The following TNIK variants were observed in gnomAD, a reference collection of about 807,000 sequenced individuals.
TNIK encodes the protein TRAF2 and NCK interacting kinase.
Under a neutral mutation model 191.3 loss-of-function variants are expected in TNIK, and 49 were observed. That is an observed-to-expected ratio of 0.26 (90% CI 0.20 to 0.32). The LOEUF (loss-of-function observed/expected upper bound fraction) is 0.32, where lower values mean the gene tolerates loss of function less well. Among genes scored for constraint, TNIK ranks in the 10% least tolerant of loss-of-function variants. The pLI is 1.00. For missense variants in TNIK, 1,155 were observed against 1,702.3 expected (o/e 0.68, Z 5.66); for synonymous variants, 594 against 600.9 (o/e 0.99, Z 0.17).
At chr3:171,296,266 G>A (rs973675082) in intron 2 of TNIK, among the ~76,000 whole-genome samples, 4 of 152,118 alleles carry the variant, frequency 2.6e-5, no homozygotes, top group Non-Finnish European at 5.9e-5. Flanking sequence ...ATGTTTTGGA[G>A]AGAGGCAGCC....
chr3:171,357,915 T>A (rs904789002), intron 2 of TNIK, among the ~76,000 whole-genome samples: 2 of 151,932 alleles, frequency 1.3e-5, no homozygotes, highest in Non-Finnish European at 2.9e-5. Flanking sequence ...GAGGCAGAGG[T>A]CATGTCATAG....
chr3:171,203,942 C>A lies in TNIK; in HGVS notation c.306+7174G>T, dbSNP rs1427048745. Among the ~76,000 whole-genome samples, 11 of 152,184 alleles carry A rather than the reference C, an allele frequency of 7.2e-5. 1 individual carries two copies. On this transcript the variant is annotated intron_variant, in intron 4 of 32. Coordinates refer to ENST00000436636, the MANE Select transcript of TNIK (RefSeq NM_015028.4). ...CACCCTACATTTCAGAAGATGATTA[C>A]AAATTTATTTCCTGTTACGAGATAT...
chr3:171,151,493 A>G (rs1263311449), intron 12 of TNIK, among the ~76,000 whole-genome samples: 2 of 152,336 alleles, frequency 1.3e-5, no homozygotes, highest in East Asian at 1.9e-4. Context: ...AGGGCTCACT[A>G]TGTGTTAGTG....
chr3:171,446,796 G>A (rs989539398), intron 1 of TNIK, among the ~76,000 whole-genome samples: 3 of 151,812 alleles, frequency 2.0e-5, no homozygotes, highest in Admixed American at 2.0e-4. Flanking sequence ...TCATCACAGA[G>A]TCAGCTGTCT....
At chr3:171,300,387 A>T (rs1051409380) in intron 2 of TNIK, among the ~76,000 whole-genome samples, 1 of 152,228 alleles carries the variant, frequency 6.6e-6, no homozygotes, top group African/African-American at 2.4e-5. Context: ...TCATCATGAC[A>T]TATCTTGAAG....
At chr3:171,083,246 A>G (rs536874539) in intron 26 of TNIK, among the ~76,000 whole-genome samples, 5 of 152,234 alleles carry the variant, frequency 3.3e-5, no homozygotes, top group Non-Finnish European at 5.9e-5. Context: ...GATCAACACA[A>G]ATGTCTGCTT....
chr3:171,248,460 T>C (rs1745857151), intron 2 of TNIK, among the ~76,000 whole-genome samples: 2 of 152,094 alleles, frequency 1.3e-5, no homozygotes, highest in Non-Finnish European at 2.9e-5. Flanking sequence ...ATAAAGGAGA[T>C]AGTACATGTT....
At chr3:171,421,101 T>C (rs1036223883) in intron 1 of TNIK, among the ~76,000 whole-genome samples, 1 of 152,200 alleles carries the variant, frequency 6.6e-6, no homozygotes, top group East Asian at 1.9e-4. Flanking sequence ...CACTAAGATA[T>C]GAAAGACCAG....
At chr3:171,331,799 T>G (rs1330008251) in intron 2 of TNIK, among the ~76,000 whole-genome samples, 1 of 152,198 alleles carries the variant, frequency 6.6e-6, no homozygotes, top group Non-Finnish European at 1.5e-5. Flanking sequence ...ACGGGCCTTT[T>G]TGATAATGTA....
Position 171,087,520 on chromosome 3 carries a change from G to A in TNIK, c.2722-14C>T. 2 of 1,612,296 alleles carry A rather than the reference G, an allele frequency of 1.2e-6. No individual in the cohort carries two copies. Reference sequence around the variant, plus strand: ...CTCTCCAGACGTCTGAGGGAGCACAGCACGTGGGAGGAGTTAGAGAGGGGG... The same window carrying A: ...CTCTCCAGACGTCTGAGGGAGCACAACACGTGGGAGGAGTTAGAGAGGGGG... On this transcript the variant is annotated splice_polypyrimidine_tract_variant and intron_variant, in intron 23 of 32. Coordinates refer to ENST00000436636, the MANE Select transcript of TNIK (RefSeq NM_015028.4).
intron 1 of TNIK, among the ~76,000 whole-genome samples, chr3:171,440,813 A>G (rs575754880): frequency 6.6e-6 from 1 of 152,200 alleles, no homozygotes; most frequent in African/African-American, 2.4e-5. Context: ...CAGCAGGAAC[A>G]GTGTGCATAA....
intron 2 of TNIK, among the ~76,000 whole-genome samples, chr3:171,270,261 A>G (rs946605856): frequency 3.9e-5 from 6 of 152,306 alleles, no homozygotes. Context: ...CCCCCGTAGT[A>G]TCAATATTTA....
At chr3:171,408,533 G>C (rs1183953216) in intron 1 of TNIK, among the ~76,000 whole-genome samples, 1 of 152,168 alleles carries the variant, frequency 6.6e-6, no homozygotes, top group Non-Finnish European at 1.5e-5. Flanking sequence ...ACATCAGAAA[G>C]CAGGCCGATC....
chr3:171,426,060 T>A (rs955984959), intron 1 of TNIK, among the ~76,000 whole-genome samples: 9 of 152,070 alleles, frequency 5.9e-5, no homozygotes, highest in Non-Finnish European at 1.2e-4. Context: ...ACTGGGTATA[T>A]ACCCAAAGGA....
intron 28 of TNIK, among the ~76,000 whole-genome samples, chr3:171,073,928 A>G (rs1267224486): frequency 6.6e-6 from 1 of 152,158 alleles, no homozygotes; most frequent in Non-Finnish European, 1.5e-5. Flanking sequence ...AAGTTAGTTC[A>G]GTCTCCTTGG....
chr3:171,154,877 G>A (rs983830525), intron 12 of TNIK, among the ~76,000 whole-genome samples: 15 of 152,108 alleles, frequency 9.9e-5, no homozygotes, highest in South Asian at 4.2e-4. Context: ...CTGAAGCCAC[G>A]TCCTTTTCAT....
intron 7 of TNIK, among the ~76,000 whole-genome samples, chr3:171,188,109 C>T (rs1420310424): frequency 6.6e-6 from 1 of 152,234 alleles, no homozygotes; most frequent in Non-Finnish European, 1.5e-5. Flanking sequence ...TATTTGAACA[C>T]AGCTTTGAAT....
chr3:171,287,155 C>G (rs566882224), intron 2 of TNIK, among the ~76,000 whole-genome samples: 6 of 152,088 alleles, frequency 3.9e-5, no homozygotes, highest in African/African-American at 1.2e-4. Context: ...TATGCTGCTG[C>G]AAATATTTCT....
intron 1 of TNIK, among the ~76,000 whole-genome samples, chr3:171,377,736 T>C (rs1455567557): frequency 2.0e-5 from 3 of 152,190 alleles, no homozygotes; most frequent in Non-Finnish European, 2.9e-5. Context: ...ATACCTGTCA[T>C]GGAAGATGGT....
Sources: allele counts gnomAD v4.1 joint callset (sites outside exome capture counted in the v4.1 genomes callset), GRCh38; gene constraint gnomAD v4.1.1; transcripts MANE v1.5; gene names NCBI Gene and HGNC (gene_info 2026-07-23, HGNC 2026-07-21).